TRAPPC12: variants seen among roughly 807,000 people sequenced by gnomAD.
TRAPPC12 encodes trafficking protein particle complex subunit 12.
A neutral mutation model predicts 69.2 loss-of-function variants in TRAPPC12; 61 were observed. The observed-to-expected ratio is 0.88, with a 90% CI of 0.72 to 1.09. The LOEUF is 1.09. Ranked by LOEUF, TRAPPC12 falls within the 50% of genes least tolerant of loss-of-function variation. The pLI is 0.00. For synonymous variants in TRAPPC12, 469 were observed against 438.9 expected (o/e 1.07, Z -0.86); for missense variants, 1,101 against 1,016.4 (o/e 1.08, Z -1.13).
intron 3 of TRAPPC12, among the ~76,000 whole-genome samples, chr2:3,405,884 C>T (rs1661702070): frequency 6.6e-6 from 1 of 152,212 alleles, no homozygotes; most frequent in South Asian, 2.1e-4. Context: ...TAACCCATGG[C>T]AGTGAAGTTT....
intron 5 of TRAPPC12, among the ~76,000 whole-genome samples, chr2:3,427,883 ACT>A (rs1348868451): frequency 1.4e-5 from 2 of 142,482 alleles, no homozygotes; most frequent in South Asian, 4.4e-4. Context: ...ACAGAGTGAG[ACT>A]CTGTCCCACA....
At chr2:3,474,149 C>A (rs1185527976) in intron 9 of TRAPPC12, among the ~76,000 whole-genome samples, 1 of 152,190 alleles carries the variant, frequency 6.6e-6, no homozygotes, top group African/African-American at 2.4e-5. Context: ...TCTCCCCCAC[C>A]CCTCAGTGCC....
chr2:3,426,286 T>A (rs1025463147), intron 5 of TRAPPC12, among the ~76,000 whole-genome samples: 1 of 152,244 alleles, frequency 6.6e-6, no homozygotes, highest in African/African-American at 2.4e-5. Context: ...CTGGCTTGAT[T>A]TCATGGAAGT....
chr2:3,457,577 A>C lies in TRAPPC12; in HGVS notation c.1531-44A>C, dbSNP rs1665226358. On this transcript the variant is annotated intron_variant, in intron 6 of 11. Coordinates refer to ENST00000324266, the MANE Select transcript of TRAPPC12 (RefSeq NM_016030.6). ...TATTATAACAAAGTCTTAGACAAAAATTGGTTCCCATGATTTTGTCCTTCT... is the reference window on the plus strand; with the variant it reads ...TATTATAACAAAGTCTTAGACAAAACTTGGTTCCCATGATTTTGTCCTTCT... The C allele has an allele frequency of 2.6e-6, 4 of 1,548,726 alleles. No homozygotes were observed. The African/African-American group carries it at 5.4e-5, about 21-fold the overall frequency.
chr2:3,447,339 C>A (rs1664565222), intron 6 of TRAPPC12, among the ~76,000 whole-genome samples: 2 of 152,202 alleles, frequency 1.3e-5, no homozygotes, highest in Admixed American at 6.5e-5. Flanking sequence ...CTCAAATGAT[C>A]CACCCGCCTT....
intron 2 of TRAPPC12, among the ~76,000 whole-genome samples, chr2:3,395,156 C>T (rs11903792): frequency 6.6e-6 from 1 of 152,130 alleles, no homozygotes; most frequent in Non-Finnish European, 1.5e-5. Context: ...TATGAGAGTT[C>T]CAATTATTTT....
At chr2:3,422,297 C>T (rs1421461099) in intron 4 of TRAPPC12, among the ~76,000 whole-genome samples, 4 of 152,070 alleles carry the variant, frequency 2.6e-5, no homozygotes, top group South Asian at 2.1e-4. Flanking sequence ...CTGGCCTGTG[C>T]GGGGCTCTGG....
chr2:3,383,871 G>GGT (rs1660352906), intron 1 of TRAPPC12, among the ~76,000 whole-genome samples: 1 of 85,592 alleles, frequency 1.2e-5, no homozygotes, highest in Non-Finnish European at 2.3e-5. Flanking sequence ...GTTCAGTCTT[G>GGT]TTTTTTTTTT....
chr2:3,430,243 C>G (rs994243123), intron 5 of TRAPPC12, among the ~76,000 whole-genome samples: 12 of 152,278 alleles, frequency 7.9e-5, no homozygotes, highest in African/African-American at 2.6e-4. Context: ...TGTACATTTC[C>G]CTTTGTACAT....
intron 3 of TRAPPC12, among the ~76,000 whole-genome samples, chr2:3,411,682 C>A (rs1213562866): frequency 2.0e-5 from 3 of 152,152 alleles, no homozygotes; most frequent in Admixed American, 2.0e-4. Context: ...ATAAAAGGGT[C>A]TTTAAAAACA....
chr2:3,395,285 A>G (rs149239595), intron 2 of TRAPPC12, among the ~76,000 whole-genome samples: 6 of 152,324 alleles, frequency 3.9e-5, no homozygotes, highest in Middle Eastern at 3.4e-3. Flanking sequence ...GACGGTTTGT[A>G]TATCTTTATA....
chr2:3,459,602 GGGGAGAGCA>G (rs1182904949), intron 7 of TRAPPC12, among the ~76,000 whole-genome samples: 1 of 152,222 alleles, frequency 6.6e-6, no homozygotes, highest in East Asian at 1.9e-4. Context: ...ATAATGTGCA[GGGGAGAGCA>G]GGGAGGGACG....
intron 2 of TRAPPC12, among the ~76,000 whole-genome samples, chr2:3,393,568 A>T (rs1660949512): frequency 6.6e-6 from 1 of 152,152 alleles, no homozygotes; most frequent in South Asian, 2.1e-4. Context: ...TCGACTTTGG[A>T]ATTCAGTACA....
rs1294878654 is a variant in TRAPPC12, at chr2:3,457,649, C to G, written c.1559C>G (p.Ala520Gly). ...CTGGCCAATTTGGAGCAAGGCTTAG[C>G]AGAAGACGGCGGCATGAGCAGCGTG... is the stretch of plus-strand genomic sequence containing the variant. Reference protein sequence around the residue: ...KILANLEQGLAEDGGMSSVTQ... With the variant: ...KILANLEQGLGEDGGMSSVTQ... Residue 520 changes from alanine (A) to glycine (G), a missense_variant, in exon 7 of 12, where the codon GCA becomes GGA. Transcript: ENST00000324266. 1 of 1,612,234 alleles carries G rather than the reference C, an allele frequency of 6.2e-7. No homozygotes were observed. Among genetic ancestry groups the G allele is most frequent in the Admixed American group, 1.7e-5 (1 of 60,008 alleles).
chr2:3,394,593 C>T (rs1162099634), intron 2 of TRAPPC12, among the ~76,000 whole-genome samples: 5 of 151,740 alleles, frequency 3.3e-5, no homozygotes, highest in Non-Finnish European at 7.4e-5. Flanking sequence ...TGCATTCCAG[C>T]CTGCGCAACA....
At chr2:3,455,229 T>C (rs1190036025) in intron 6 of TRAPPC12, 2 of 152,262 alleles carry the variant, frequency 1.3e-5, no homozygotes, top group Non-Finnish European at 2.9e-5. Context: ...CTTTTTTTAA[T>C]AAATTTTAAT....
In TRAPPC12 at chr2:3,479,473, A is replaced by G; in HGVS notation, c.*12A>G. On this transcript the variant is annotated 3_prime_UTR_variant, in exon 12 of 12. Coordinates refer to ENST00000324266, the MANE Select transcript of TRAPPC12 (RefSeq NM_016030.6). ...TCAAGCTGGCCTAGCTGCCTCCAAC[A>G]CACTACGTCAGAAGGACCCGGGTCT... 6.2e-7 allele frequency: 1 copy of G among 1,612,878 alleles called. No individual in the cohort carries two copies. Among genetic ancestry groups the G allele is most frequent in the African/African-American group, 1.3e-5 (1 of 75,040 alleles).
chr2:3,400,484 G>T (rs900116644), intron 2 of TRAPPC12, among the ~76,000 whole-genome samples: 1 of 152,150 alleles, frequency 6.6e-6, no homozygotes, highest in African/African-American at 2.4e-5. Context: ...CCTGCCTCAG[G>T]TGTTTCAGGG....
chr2:3,399,831 CA>C (rs34625674), intron 2 of TRAPPC12, among the ~76,000 whole-genome samples: 31,981 of 147,056 alleles, frequency 0.22, 3,577 homozygotes, highest in African/African-American at 0.26. Context: ...GCCCCGCCGC[CA>C]AAAAAAAAAG....
Sources: gnomAD v4.1 joint callset for allele counts (sites outside exome capture counted in the v4.1 genomes callset) on GRCh38, gnomAD v4.1.1 for gene constraint, MANE v1.5 for transcripts, NCBI Gene and HGNC (gene_info 2026-07-23, HGNC 2026-07-21) for gene names.